RSU1: variants seen among roughly 807,000 people sequenced by gnomAD.
The protein encoded by RSU1 is Ras suppressor protein 1.
RSU1 carries 26 observed loss-of-function variants against 31.1 expected under a neutral mutation model. The ratio of observed to expected loss-of-function variants is 0.84; its 90% CI spans 0.61 to 1.16. RSU1 has a LOEUF of 1.16. Among genes scored for constraint, RSU1 ranks in the 50% most tolerant of loss-of-function variants. The pLI, the probability that RSU1 is intolerant of heterozygous loss-of-function variation, is 0.00. For missense variants in RSU1, 320 were observed against 339.1 expected, an observed-to-expected ratio of 0.94 and a Z score of 0.44; for synonymous variants, 164 against 136.3, an observed-to-expected ratio of 1.20 and a Z score of -1.41.
intron 8 of RSU1, among the ~76,000 whole-genome samples, chr10:16,688,501 C>T (rs183560713): frequency 2.0e-5 from 3 of 152,050 alleles, no homozygotes; most frequent in African/African-American, 7.2e-5. Flanking sequence ...CCCAGCCACT[C>T]GGGAGGCTGA....
rs11254162 is a variant in RSU1, at chr10:16,705,183, T to A, written c.599-10028A>T. On this transcript the variant is annotated intron_variant, in intron 7 of 8. Transcript: ENST00000345264. ...TAATTTCCTCAAGGTTCATCCATGT[T>A]GTAGCATATGTCAAAATTAACTTGC... is the stretch of plus-strand genomic sequence containing the variant. 2.6e-5 allele frequency among the ~76,000 whole-genome samples: 4 copies of A among 152,022 alleles called. No homozygotes were observed. In the East Asian group the frequency reaches 7.7e-4, roughly 29 times the overall value.
intron 2 of RSU1, among the ~76,000 whole-genome samples, chr10:16,798,486 G>A (rs1404870671): frequency 6.6e-6 from 1 of 152,038 alleles, no homozygotes; most frequent in Non-Finnish European, 1.5e-5. Flanking sequence ...CATGAGATCT[G>A]ATGGTTTTAT....
chr10:16,792,593 T>C (rs140874795), intron 2 of RSU1, among the ~76,000 whole-genome samples: 87 of 152,314 alleles, frequency 5.7e-4, no homozygotes, highest in Middle Eastern at 3.4e-3. Context: ...CCATACCTTC[T>C]AGAATATTCA....
At chr10:16,815,575 G>A (rs1265036731) in intron 2 of RSU1, among the ~76,000 whole-genome samples, 1 of 152,054 alleles carries the variant, frequency 6.6e-6, no homozygotes, top group Non-Finnish European at 1.5e-5. Context: ...CTATTTTTGA[G>A]CATCTACTGT....
At chr10:16,612,614 G>A (rs915165839) in intron 8 of RSU1, among the ~76,000 whole-genome samples, 4 of 152,176 alleles carry the variant, frequency 2.6e-5, no homozygotes, top group African/African-American at 9.7e-5. Context: ...CGGTAACTCT[G>A]CAGTGAAAAT....
At chr10:16,736,480 C>T (rs928185306) in intron 7 of RSU1, among the ~76,000 whole-genome samples, 2 of 152,120 alleles carry the variant, frequency 1.3e-5, no homozygotes, top group East Asian at 3.9e-4. Flanking sequence ...CCAAGTCTAA[C>T]AGGCATTAAA....
intron 7 of RSU1, among the ~76,000 whole-genome samples, chr10:16,710,435 T>C (rs1835992825): frequency 1.3e-5 from 2 of 152,224 alleles, no homozygotes; most frequent in Non-Finnish European, 2.9e-5. Flanking sequence ...TCTGCATCTA[T>C]GTTCACATTA....
rs1409673078 is a variant in RSU1 at position 16,660,722 on chromosome 10, C to T, written c.731+34301G>A. Among the ~76,000 whole-genome samples, 4 of 137,136 alleles carry T rather than the reference C, an allele frequency of 2.9e-5. 1 individual carries two copies. Among genetic ancestry groups the T allele is most frequent in the Non-Finnish European group, 6.0e-5 (4 of 66,132 alleles). 90.0% of individuals were successfully genotyped at this position (137,136 alleles called of 152,430 possible). On this transcript the variant is annotated intron_variant, in intron 8 of 8. Coordinates refer to ENST00000345264, the MANE Select transcript of RSU1 (RefSeq NM_012425.4). The stretch of plus-strand genomic sequence containing the variant: ...AGTGCAATGGCACCATCTAGGCTCA[C>T]TGCAACTTCCACTTCCTGGGCTCAA...
At chr10:16,598,263 C>T (rs988927920) in intron 8 of RSU1, among the ~76,000 whole-genome samples, 11 of 152,112 alleles carry the variant, frequency 7.2e-5, no homozygotes, top group Admixed American at 5.2e-4. Context: ...GAGGGACCAG[C>T]TGCAGGGGTA....
Position 16,729,780 on chromosome 10 carries a change from C to A in RSU1, c.598+22759G>T, listed in dbSNP as rs561824059. Among the ~76,000 whole-genome samples the A allele has an allele frequency of 2.6e-5, 4 of 152,280 alleles. No homozygotes were observed. The South Asian group carries it at 8.3e-4, about 32-fold the overall frequency. On this transcript the variant is annotated intron_variant, in intron 7 of 8. Coordinates refer to ENST00000345264, the MANE Select transcript of RSU1 (RefSeq NM_012425.4). ...GATCATCCCGCCCTCTCCTCTGTACCTTCCATGCCCCTGGTGTTTCCTTGT... is the reference window on the plus strand; with the variant it reads ...GATCATCCCGCCCTCTCCTCTGTACATTCCATGCCCCTGGTGTTTCCTTGT...
At chr10:16,805,581 C>A (rs1287122796) in intron 2 of RSU1, among the ~76,000 whole-genome samples, 42 of 145,194 alleles carry the variant, frequency 2.9e-4, no homozygotes, top group African/African-American at 9.7e-4. Flanking sequence ...GAGGCTGAGG[C>A]AGGAGAATGG....
intron 8 of RSU1, among the ~76,000 whole-genome samples, chr10:16,619,897 ATTTC>A (rs1427103250): frequency 2.0e-5 from 3 of 152,190 alleles, no homozygotes; most frequent in Non-Finnish European, 4.4e-5. Flanking sequence ...ATTTTCGTAT[ATTTC>A]TTTCAAGTTT....
At chr10:16,799,932 G>T (rs1838116263) in intron 2 of RSU1, among the ~76,000 whole-genome samples, 1 of 152,156 alleles carries the variant, frequency 6.6e-6, no homozygotes, top group South Asian at 2.1e-4. Context: ...CAGGATTACA[G>T]AACGTTTCCC....
At chr10:16,686,414 G>C (rs1021936294) in intron 8 of RSU1, among the ~76,000 whole-genome samples, 1 of 152,098 alleles carries the variant, frequency 6.6e-6, no homozygotes, top group Admixed American at 6.5e-5. Flanking sequence ...ACTTCAGTGA[G>C]GTCAATATCC....
intron 2 of RSU1, among the ~76,000 whole-genome samples, chr10:16,794,658 G>A (rs1388803056): frequency 1.3e-5 from 2 of 152,142 alleles, no homozygotes; most frequent in Admixed American, 6.5e-5. Context: ...AGATTCCACG[G>A]GCCAGCAGAA....
At position 16,759,673 on chromosome 10, in the gene RSU1, T is replaced by C. The variant is rs1264797654; in HGVS notation, c.282-4684A>G. 2.0e-5 allele frequency among the ~76,000 whole-genome samples: 3 copies of C among 152,294 alleles called. No individual in the cohort carries two copies. The South Asian group carries it at 6.2e-4, about 32-fold the overall frequency. ...AGTGAAGTTACCCTAGAAATAATCA[T>C]CAACATGGATAATTGTTGAAGCCAC... On this transcript the variant is annotated intron_variant, in intron 4 of 8. Transcript: ENST00000345264.
chr10:16,808,188 T>C (rs536356026), intron 2 of RSU1, among the ~76,000 whole-genome samples: 1 of 150,726 alleles, frequency 6.6e-6, no homozygotes, highest in African/African-American at 2.4e-5. Context: ...CACTCAAGAG[T>C]GAACTCCAAC....
At chr10:16,684,975 T>C (rs1835412487) in intron 8 of RSU1, among the ~76,000 whole-genome samples, 1 of 152,174 alleles carries the variant, frequency 6.6e-6, no homozygotes, top group Admixed American at 6.5e-5. Context: ...AGGCCGGGTA[T>C]GGTGGCTCAT....
At position 16,624,157 on chromosome 10, in the gene RSU1, C is replaced by T. The variant is rs557877730; in HGVS notation, c.732-30661G>A. Among the ~76,000 whole-genome samples the T allele has an allele frequency of 3.9e-5, 6 of 152,222 alleles. No individual in the cohort carries two copies. In the South Asian group the frequency reaches 6.2e-4, roughly 16 times the overall value. ...TGAGTCCCCTCTTTGACCACTTCCC[C>T]GCCCTCTAGCTCAGGGTATCAGGTC... On this transcript the variant is annotated intron_variant, in intron 8 of 8. Transcript: ENST00000345264.
Sources: allele counts gnomAD v4.1 joint callset (sites outside exome capture counted in the v4.1 genomes callset), GRCh38; gene constraint gnomAD v4.1.1; transcripts MANE v1.5; gene names NCBI Gene and HGNC (gene_info 2026-07-23, HGNC 2026-07-21).